Variants in KCNIP4 observed in about 807,000 individuals in gnomAD.
KCNIP4 encodes potassium voltage-gated channel interacting protein 4.
Under a neutral mutation model 34.0 loss-of-function variants are expected in KCNIP4, and 12 were observed. The observed-to-expected ratio is 0.35, with a 90% confidence interval of 0.23 to 0.57. The LOEUF (loss-of-function observed/expected upper bound fraction) is 0.57, where lower values mean the gene tolerates loss of function less well. KCNIP4 is among the 20% of genes least tolerant of loss of function. The pLI is 0.83. For synonymous variants in KCNIP4, 124 were observed against 102.2 expected (o/e 1.21, Z -1.29); for missense variants, 238 against 311.7 (o/e 0.76, Z 1.78).
chr4:21,848,959 T>TGCGTGTGTGC (rs754142726), intron 1 of KCNIP4: 1 of 151,088 alleles, frequency 6.6e-6, no homozygotes, highest in South Asian at 2.1e-4. Flanking sequence ...TGTGTGTGTG[T>TGCGTGTGTGC]GTGTGTGTGT....
chr4:21,199,170 C>T (rs1175311794), intron 1 of KCNIP4, among the ~76,000 whole-genome samples: 1 of 152,200 alleles, frequency 6.6e-6, no homozygotes, highest in Non-Finnish European at 1.5e-5. Flanking sequence ...AATGGATGAA[C>T]TAATTTACAG....
intron 1 of KCNIP4, among the ~76,000 whole-genome samples, chr4:21,888,101 C>T (rs1388655597): frequency 3.3e-5 from 5 of 152,046 alleles, no homozygotes; most frequent in South Asian, 2.1e-4. Flanking sequence ...TTATTATCAC[C>T]GCTTTACAGA....
chr4:21,943,694 T>C (rs1343672519), intron 1 of KCNIP4, among the ~76,000 whole-genome samples: 1 of 152,134 alleles, frequency 6.6e-6, no homozygotes, highest in African/African-American at 2.4e-5. Flanking sequence ...CTATAAGTAA[T>C]GGAGGGGGGC....
At chr4:21,471,314 C>T (rs1362542776) in intron 1 of KCNIP4, among the ~76,000 whole-genome samples, 1 of 152,056 alleles carries the variant, frequency 6.6e-6, no homozygotes, top group Non-Finnish European at 1.5e-5. Context: ...CTCATTTCAG[C>T]TGTGGATTCA....
intron 1 of KCNIP4, among the ~76,000 whole-genome samples, chr4:21,598,558 T>C (rs1404915229): frequency 6.6e-6 from 1 of 152,072 alleles, no homozygotes; most frequent in Non-Finnish European, 1.5e-5. Context: ...TCAACTCCTA[T>C]GATTGATGAT....
At chr4:20,919,034 G>C (rs1213551796) in intron 1 of KCNIP4, among the ~76,000 whole-genome samples, 1 of 152,022 alleles carries the variant, frequency 6.6e-6, no homozygotes, top group African/African-American at 2.4e-5. Context: ...TTCTTTTCTT[G>C]TTTTTTACAT....
At chr4:21,103,876 C>T (rs35817874) in intron 1 of KCNIP4, among the ~76,000 whole-genome samples, 43,689 of 150,942 alleles carry the variant, frequency 0.29, 6,983 homozygotes, top group African/African-American at 0.44. Flanking sequence ...AGAATGATGA[C>T]TTCCAATTTC....
chr4:21,157,274 T>G (rs1053607436), intron 1 of KCNIP4, among the ~76,000 whole-genome samples: 25 of 152,142 alleles, frequency 1.6e-4, no homozygotes, highest in Admixed American at 1.6e-3. Flanking sequence ...ATGCCAGACA[T>G]TGTTGAGGCT....
At chr4:21,873,542 C>G (rs1725927964) in intron 1 of KCNIP4, among the ~76,000 whole-genome samples, 4 of 152,162 alleles carry the variant, frequency 2.6e-5, no homozygotes, top group Admixed American at 2.6e-4. Flanking sequence ...AAAATAGTCA[C>G]TGAGAAAATG....
chr4:21,723,544 G>T (rs964291288), intron 1 of KCNIP4, among the ~76,000 whole-genome samples: 14 of 152,034 alleles, frequency 9.2e-5, no homozygotes, highest in Non-Finnish European at 1.6e-4. Flanking sequence ...GACGTGGTTT[G>T]TAGGAAAACA....
At chr4:20,883,141 A>C (rs1724908131) in intron 1 of KCNIP4, among the ~76,000 whole-genome samples, 1 of 151,806 alleles carries the variant, frequency 6.6e-6, no homozygotes, top group African/African-American at 2.4e-5. Context: ...ATTGCTCCCC[A>C]TCTTTGATTA....
chr4:20,734,544 C>T (rs944312743), intron 6 of KCNIP4, 84 bp downstream of exon 6: 2 of 672,928 alleles, frequency 3.0e-6, no homozygotes, highest in Non-Finnish European at 4.7e-6. Context: ...AAAAACTTTT[C>T]AAATTAATAA....
intron 2 of KCNIP4, among the ~76,000 whole-genome samples, chr4:20,857,731 C>T (rs576496679): frequency 6.6e-6 from 1 of 152,208 alleles, no homozygotes; most frequent in East Asian, 1.9e-4. Context: ...ATGATAACCT[C>T]TCCTCTCTTA....
chr4:21,868,053 C>G (rs1725538184), intron 1 of KCNIP4, among the ~76,000 whole-genome samples: 1 of 152,136 alleles, frequency 6.6e-6, no homozygotes, highest in African/African-American at 2.4e-5. Context: ...ACCTAGAAGT[C>G]TTGCTTGAAT....
intron 1 of KCNIP4, among the ~76,000 whole-genome samples, chr4:21,388,295 A>C (rs1257828745): frequency 6.6e-6 from 1 of 150,432 alleles, no homozygotes; most frequent in Non-Finnish European, 1.5e-5. Context: ...AATATATATA[A>C]TTTTAAAAAG....
intron 1 of KCNIP4, among the ~76,000 whole-genome samples, chr4:21,619,751 G>C (rs940919232): frequency 6.6e-6 from 1 of 152,240 alleles, no homozygotes; most frequent in East Asian, 1.9e-4. Flanking sequence ...TAGCTGGTAT[G>C]ACGGATACTA....
At chr4:21,535,208 G>C (rs1315661849) in intron 1 of KCNIP4, among the ~76,000 whole-genome samples, 1 of 152,182 alleles carries the variant, frequency 6.6e-6, no homozygotes, top group African/African-American at 2.4e-5. Context: ...CAGTAGGCAA[G>C]TTTAAAGAGC....
intron 1 of KCNIP4, among the ~76,000 whole-genome samples, chr4:21,144,462 C>T (rs962684647): frequency 1.3e-5 from 2 of 152,156 alleles, no homozygotes; most frequent in African/African-American, 4.8e-5. Context: ...TACATAAGCT[C>T]ATCTATTCCT....
chr4:20,958,716 A>G (rs1323547243), intron 1 of KCNIP4, among the ~76,000 whole-genome samples: 2 of 152,194 alleles, frequency 1.3e-5, no homozygotes, highest in East Asian at 1.9e-4. Context: ...GAGCTCTACT[A>G]TTTGGGAGAT....
Sources: gnomAD v4.1 joint callset for allele counts (sites outside exome capture counted in the v4.1 genomes callset) on GRCh38, gnomAD v4.1.1 for gene constraint, MANE v1.5 for transcripts, NCBI Gene and HGNC (gene_info 2026-07-23, HGNC 2026-07-21) for gene names.